Variants in NKAIN2 observed in about 807,000 individuals in gnomAD.
The protein encoded by NKAIN2 is sodium/potassium-transporting ATPase subunit beta-1-interacting protein 2.
NKAIN2 carries 14 observed loss-of-function variants against 32.6 expected under a neutral mutation model. That is an observed-to-expected ratio of 0.43 (90% confidence interval 0.28 to 0.67). NKAIN2 has a LOEUF of 0.67. NKAIN2 is among the 30% of genes least tolerant of loss of function. NKAIN2 has a pLI of 0.17. For synonymous variants in NKAIN2, 80 were observed against 87.2 expected (o/e 0.92, Z 0.46); for missense variants, 198 against 258.3 (o/e 0.77, Z 1.60).
chr6:124,482,830 CTA>C (rs1382609737), intron 3 of NKAIN2, among the ~76,000 whole-genome samples: 1 of 152,192 alleles, frequency 6.6e-6, no homozygotes, highest in Non-Finnish European at 1.5e-5. Context: ...TGGTGATCAA[CTA>C]TACTCTATAA....
intron 4 of NKAIN2, among the ~76,000 whole-genome samples, chr6:124,663,192 C>T (rs867509416): frequency 1.3e-5 from 2 of 151,710 alleles, no homozygotes; most frequent in African/African-American, 2.4e-5. Flanking sequence ...TTTGGGAGGC[C>T]GAGGCCACTG....
chr6:124,142,009 T>C (rs551996082), intron 1 of NKAIN2, among the ~76,000 whole-genome samples: 1 of 152,326 alleles, frequency 6.6e-6, no homozygotes, highest in South Asian at 2.1e-4. Flanking sequence ...ATCCCATAGA[T>C]GCCATGTTAG....
intron 3 of NKAIN2, among the ~76,000 whole-genome samples, chr6:124,468,075 T>G (rs997307995): frequency 1.3e-5 from 2 of 152,124 alleles, no homozygotes; most frequent in Non-Finnish European, 2.9e-5. Context: ...AAATATAATT[T>G]TTAATGTTTT....
intron 1 of NKAIN2, among the ~76,000 whole-genome samples, chr6:124,270,270 C>T (rs1459562114): frequency 6.6e-6 from 1 of 152,090 alleles, no homozygotes; most frequent in Non-Finnish European, 1.5e-5. Flanking sequence ...TATTGGAGGG[C>T]CATTTTACCT....
chr6:124,409,088 T>C (rs538167291), intron 3 of NKAIN2, among the ~76,000 whole-genome samples: 4 of 152,180 alleles, frequency 2.6e-5, no homozygotes, highest in African/African-American at 4.8e-5. Flanking sequence ...TTAAGGAGAT[T>C]GTGGGCTGAG....
chr6:124,663,558 A>C (rs1772603958), intron 4 of NKAIN2, among the ~76,000 whole-genome samples: 1 of 152,230 alleles, frequency 6.6e-6, no homozygotes, highest in Admixed American at 6.5e-5. Flanking sequence ...ATATTATTTC[A>C]AAAAACATAT....
chr6:124,303,928 A>G (rs572634503), intron 2 of NKAIN2, among the ~76,000 whole-genome samples: 12 of 152,320 alleles, frequency 7.9e-5, no homozygotes, highest in Admixed American at 7.8e-4. Flanking sequence ...AAAAGTATCA[A>G]ATGGAACTCA....
chr6:124,316,169 T>C (rs1369485752), intron 2 of NKAIN2, among the ~76,000 whole-genome samples: 3 of 152,160 alleles, frequency 2.0e-5, no homozygotes, highest in Non-Finnish European at 2.9e-5. Flanking sequence ...TAAGGTAATG[T>C]ATATCTTGAC....
At chr6:124,197,656 T>C (rs773896712) in intron 1 of NKAIN2, among the ~76,000 whole-genome samples, 2 of 152,092 alleles carry the variant, frequency 1.3e-5, no homozygotes, top group Non-Finnish European at 2.9e-5. Flanking sequence ...TTTTACTCAT[T>C]TGGACAATGA....
At chr6:123,812,997 G>A (rs182140005) in intron 1 of NKAIN2, among the ~76,000 whole-genome samples, 6 of 152,302 alleles carry the variant, frequency 3.9e-5, no homozygotes, top group East Asian at 1.9e-4. Flanking sequence ...ATGATGGAAG[G>A]GTCTATGTTA....
chr6:124,462,472 A>G (rs1380438395), intron 3 of NKAIN2, among the ~76,000 whole-genome samples: 1 of 151,904 alleles, frequency 6.6e-6, no homozygotes, highest in Non-Finnish European at 1.5e-5. Flanking sequence ...TCTTCATACA[A>G]AGATCACAAT....
intron 3 of NKAIN2, among the ~76,000 whole-genome samples, chr6:124,576,415 C>T (rs1781336783): frequency 6.6e-6 from 1 of 152,146 alleles, no homozygotes; most frequent in Non-Finnish European, 1.5e-5. Context: ...TGCCAGTGGT[C>T]ACACTTGAAC....
At chr6:124,376,771 T>TATAAATACTATAAATACTAAAA (rs1800012092) in intron 3 of NKAIN2, among the ~76,000 whole-genome samples, 2 of 152,194 alleles carry the variant, frequency 1.3e-5, no homozygotes, top group Non-Finnish European at 2.9e-5. Flanking sequence ...AAATATCATT[T>TATAAATACTATAAATACTAAAA]ATCTGACTTT....
intron 1 of NKAIN2, among the ~76,000 whole-genome samples, chr6:123,881,870 T>C (rs1477687121): frequency 6.6e-6 from 1 of 152,182 alleles, no homozygotes; most frequent in East Asian, 1.9e-4. Flanking sequence ...TATGACACTT[T>C]TAGTCATATT....
intron 2 of NKAIN2, among the ~76,000 whole-genome samples, chr6:124,336,159 A>C (rs966972550): frequency 2.6e-5 from 4 of 152,238 alleles, no homozygotes; most frequent in Non-Finnish European, 5.9e-5. Flanking sequence ...TTGTAGTGGC[A>C]GATACCTCTA....
chr6:124,446,844 G>T (rs1775912681), intron 3 of NKAIN2, among the ~76,000 whole-genome samples: 1 of 152,142 alleles, frequency 6.6e-6, no homozygotes, highest in South Asian at 2.1e-4. Flanking sequence ...GAAAGATTCT[G>T]TCCACAAGGG....
At chr6:123,948,913 T>C (rs938994616) in intron 1 of NKAIN2, among the ~76,000 whole-genome samples, 1 of 151,992 alleles carries the variant, frequency 6.6e-6, no homozygotes, top group African/African-American at 2.4e-5. Context: ...TTTAAGTCTT[T>C]AATTCATCTT....
intron 1 of NKAIN2, among the ~76,000 whole-genome samples, chr6:124,236,805 A>G (rs1014826229): frequency 5.9e-5 from 9 of 152,080 alleles, no homozygotes; most frequent in Non-Finnish European, 1.3e-4. Context: ...AGAAGAAGAA[A>G]AACCTGTCTT....
intron 4 of NKAIN2, among the ~76,000 whole-genome samples, chr6:124,729,019 A>C (rs1217791872): frequency 1.3e-5 from 2 of 150,312 alleles, no homozygotes; most frequent in Non-Finnish European, 1.5e-5. Context: ...AAGAAGTTGA[A>C]TCTCTGAATA....
Sources: allele counts gnomAD v4.1 joint callset (sites outside exome capture counted in the v4.1 genomes callset), GRCh38; gene constraint gnomAD v4.1.1; transcripts MANE v1.5; gene names NCBI Gene and HGNC (gene_info 2026-07-23, HGNC 2026-07-21).